Variants in BCOR observed in about 807,000 individuals in gnomAD.
The protein encoded by BCOR is BCL6 corepressor.
BCOR carries 10 observed loss-of-function variants against 86.7 expected under a neutral mutation model. The observed-to-expected ratio is 0.12, with a 90% CI of 0.07 to 0.20. The LOEUF is 0.20. BCOR is among the 10% of genes least tolerant of loss of function. BCOR has a pLI of 1.00. For missense variants in BCOR, 1,259 were observed against 1,452.1 expected (o/e 0.87, Z 2.16); for synonymous variants, 611 against 609.0 (o/e 1.00, Z -0.05).
intron 10 of BCOR, among the ~76,000 whole-genome samples, chrX:40,061,750 G>A (rs1934886489): frequency 9.8e-6 from 1 of 102,093 alleles, no homozygotes; most frequent in African/African-American, 3.6e-5. Flanking sequence ...AACAGTACAA[G>A]CAGCCCCAGA....
intron 1 of BCOR, among the ~76,000 whole-genome samples, chrX:40,105,973 C>T (rs1034924763): frequency 2.7e-5 from 3 of 113,090 alleles, no homozygotes; most frequent in East Asian, 2.8e-4. Context: ...TCATCTCCCC[C>T]TCAGCCCTAC....
intron 1 of BCOR, among the ~76,000 whole-genome samples, chrX:40,147,136 T>G (rs1340754184): frequency 2.7e-5 from 3 of 109,826 alleles, no homozygotes; most frequent in Non-Finnish European, 3.8e-5. Flanking sequence ...GATCCGCACA[T>G]GCACGTGCAC....
In BCOR at chrX:40,096,852, G is replaced by A. The variant is rs1258063970; in HGVS notation, c.-41+363C>T. Among the ~76,000 whole-genome samples the A allele has an allele frequency of 3.1e-4, 13 of 42,319 alleles. No individual in the cohort carries two copies. The East Asian group carries it at 8.2e-3, about 27-fold the overall frequency. 36.7% of individuals were successfully genotyped at this position (42,319 alleles called of 115,157 possible). On this transcript the variant is annotated intron_variant, in intron 1 of 14. Transcript: ENST00000378444. ...CTTCCAGCCCACCTCCCCCCCCTCC[G>A]CCCGACTCGCGGCGCTCAGCGGCGA...
Position 40,072,898 on chromosome X carries a change from T to G in BCOR, c.2448A>C (p.Lys816Asn), listed in dbSNP as rs1935550794. The change falls in exon 4 of 15, where the codon AAA becomes AAC. Residue 816 changes from lysine to asparagine, a missense_variant. Physicochemically the swap from Lys to Asn is moderately conservative, Grantham distance 94. This residue lies in a region of BCOR where 534 missense variants were observed against 594.8 expected (regional missense o/e 0.90). Transcript: ENST00000378444. ...VDLLREEPDA[K>N]TDTNVSKPSF... Reference sequence around the variant, plus strand: ...TGGGTTTGGACACGTTTGTGTCAGTTTTAGCATCTGGTTCTTCTCGGAGAA... The same window carrying G: ...TGGGTTTGGACACGTTTGTGTCAGTGTTAGCATCTGGTTCTTCTCGGAGAA... 1 of 1,209,498 alleles carries G rather than the reference T, an allele frequency of 8.3e-7. No homozygotes were observed. The highest frequency in any genetic ancestry group is 1.8e-5 in the African/African-American group (1 of 56,926).
chrX:40,171,284 GTC>G (rs1038735653), intron 1 of BCOR, among the ~76,000 whole-genome samples: 6 of 112,476 alleles, frequency 5.3e-5, no homozygotes, highest in Non-Finnish European at 1.1e-4. Flanking sequence ...CTCACGGATT[GTC>G]TCTTACAACT....
At chrX:40,168,862 G>C (rs1041457445) in intron 1 of BCOR, among the ~76,000 whole-genome samples, 3 of 113,381 alleles carry the variant, frequency 2.6e-5, no homozygotes, top group Non-Finnish European at 5.6e-5. Flanking sequence ...TTTATGGGCT[G>C]TCTGCGCAAT....
intron 6 of BCOR, chrX:40,068,015 A>G (rs1342267325): frequency 1.8e-5 from 2 of 112,136 alleles, no homozygotes; most frequent in East Asian, 5.6e-4. Context: ...GTGGAATGCC[A>G]TGTGCCTTTG....
Position 40,063,066 on chromosome X carries a change from G to C in BCOR, c.3853C>G (p.Pro1285Ala), listed in dbSNP as rs1159380422. ...ATGGGCGGAGAGCCGGAGAACACAGGCAAGCCTAAATACGGAGGGGGTGAC... is the reference window on the plus strand; with the variant it reads ...ATGGGCGGAGAGCCGGAGAACACAGCCAAGCCTAAATACGGAGGGGGTGAC... Reference protein sequence around the residue: ...LKPSDNEQGLPVFSGSPPMKS... With the variant: ...LKPSDNEQGLAVFSGSPPMKS... Residue 1285 changes from proline (P) to alanine (A), a missense_variant, in exon 9 of 15, where the codon CCT becomes GCT. This residue lies in a region of BCOR where 305 missense variants were observed against 286.1 expected (regional missense o/e 1.07). Coordinates refer to ENST00000378444, the MANE Select transcript of BCOR (RefSeq NM_001123385.2). 1 of 974,335 alleles carries C rather than the reference G, an allele frequency of 1.0e-6. No homozygotes were observed. The highest frequency in any genetic ancestry group is 1.3e-6 in the Non-Finnish European group (1 of 748,144). The allele number at this position is 974,335 out of a possible 1,213,427, so 80.3% of individuals were successfully genotyped here.
upstream of BCOR, among the ~76,000 whole-genome samples, chrX:40,100,061 T>C (rs186428894): frequency 1.8e-5 from 2 of 112,671 alleles, no homozygotes; most frequent in Admixed American, 1.9e-4. Context: ...TAAAACTATT[T>C]TTTATAAAGA....
At position 40,072,625 on chromosome X, in the gene BCOR, G is replaced by A. The variant is rs1349371387; in HGVS notation, c.2721C>T (p.Ser907=). ...TACCAAAAGTTACAGCAGGGCCATC[G>A]CTCCCCAGAGGTGGCTCCAGGAATG... The part of the protein sequence containing the change: ...STPFLEPPLG[S]DGPAVTFGKT... Residue 907 remains serine, a synonymous_variant, in exon 4 of 15, where the codon AGC becomes AGT. Transcript: ENST00000378444. 16 of 1,212,055 alleles carry A rather than the reference G, an allele frequency of 1.3e-5. No homozygotes were observed. Among genetic ancestry groups the A allele is most frequent in the Non-Finnish European group, 1.8e-5 (16 of 895,561 alleles).
upstream of BCOR, among the ~76,000 whole-genome samples, chrX:40,099,717 C>T (rs937216619): frequency 8.9e-6 from 1 of 112,429 alleles, no homozygotes. Context: ...TTTATTCATT[C>T]TGTTTTAGTT....
At chrX:40,158,257 G>C (rs2148004890) in intron 1 of BCOR, among the ~76,000 whole-genome samples, 1 of 112,569 alleles carries the variant, frequency 8.9e-6, no homozygotes, top group Non-Finnish European at 1.9e-5. Context: ...TCGCGCCCTG[G>C]GACAGCGCGC....
chrX:40,160,979 T>G (rs1417786965), intron 1 of BCOR, among the ~76,000 whole-genome samples: 2 of 105,354 alleles, frequency 1.9e-5, no homozygotes, highest in Non-Finnish European at 1.9e-5. Flanking sequence ...TCGGCCTTTT[T>G]TATTTTTTTT....
intron 1 of BCOR, 127 bp from the exon 2 acceptor site, chrX:40,078,096 G>A (rs1935901840): frequency 4.2e-6 from 2 of 479,862 alleles, no homozygotes; most frequent in South Asian, 5.9e-5. Flanking sequence ...TGTGCCTGCT[G>A]TCTACAGTGG....
At chrX:40,070,452 G>A (rs1017389572) in intron 6 of BCOR, among the ~76,000 whole-genome samples, 1 of 111,727 alleles carries the variant, frequency 9.0e-6, no homozygotes, top group African/African-American at 3.3e-5. Flanking sequence ...CAAAATGCAA[G>A]CTGCCCTCTG....
intron 1 of BCOR, among the ~76,000 whole-genome samples, chrX:40,116,403 A>G (rs965633682): frequency 1.8e-5 from 2 of 110,185 alleles, no homozygotes; most frequent in Non-Finnish European, 3.8e-5. Flanking sequence ...AGGCTGAGGC[A>G]GCAGAATGGT....
rs780077509 is a variant in BCOR at position 40,064,194 on chromosome X, C to G, written c.3502+142G>C. 182 of 951,343 alleles carry G rather than the reference C, an allele frequency of 1.9e-4. No individual in the cohort carries two copies. In the African/African-American group the frequency reaches 2.2e-3, roughly 12 times the overall value. 78.4% of individuals were successfully genotyped at this position (951,343 alleles called of 1,213,427 possible). A position where few individuals can be genotyped will look rare whatever the true frequency, so the allele number is the denominator to read the frequency against. On this transcript the variant is annotated intron_variant, in intron 7 of 14. Transcript: ENST00000378444. The stretch of plus-strand genomic sequence containing the variant: ...CAGTGTGGGAATGGAGAGGTCCGCT[C>G]CACTGCTGCGCCCCCACGGCTTCCC...
At chrX:40,062,551 G>A (rs759727231) in intron 9 of BCOR, among the ~76,000 whole-genome samples, 158 bp from the exon 10 acceptor site, 1 of 109,826 alleles carries the variant, frequency 9.1e-6, no homozygotes, top group Admixed American at 9.7e-5. Flanking sequence ...GGAGGGTTTG[G>A]GGGAAGGGAT....
chrX:40,103,872 T>C (rs1164779716), intron 1 of BCOR, among the ~76,000 whole-genome samples: 2 of 112,119 alleles, frequency 1.8e-5, no homozygotes, highest in East Asian at 5.6e-4. Flanking sequence ...CTTAGCGATT[T>C]TGATCGGTCA....
Sources: gnomAD v4.1 joint callset for allele counts (sites outside exome capture counted in the v4.1 genomes callset) on GRCh38, gnomAD v4.1.1 for gene constraint, gnomAD v4.1.1 regional missense constraint, MANE v1.5 for transcripts, NCBI Gene and HGNC (gene_info 2026-07-23, HGNC 2026-07-21) for gene names.